The following RSPRY1 variants were observed in gnomAD, a reference collection of about 807,000 sequenced individuals.
The protein encoded by RSPRY1 is ring finger and SPRY domain containing 1.
RSPRY1 carries 23 observed loss-of-function variants against 73.1 expected under a neutral mutation model. The observed-to-expected ratio is 0.31, with a 90% CI of 0.23 to 0.45. The LOEUF (loss-of-function observed/expected upper bound fraction) is 0.45, where lower values mean the gene tolerates loss of function less well. Among genes scored for constraint, RSPRY1 ranks in the 20% least tolerant of loss-of-function variants. The probability of loss-of-function intolerance (pLI) is 1.00; values close to 1 mark genes in which losing one functional copy is unlikely to be tolerated. For synonymous variants in RSPRY1, 226 were observed against 251.4 expected, an observed-to-expected ratio of 0.90 and a Z score of 0.95; for missense variants, 448 against 698.7, an observed-to-expected ratio of 0.64 and a Z score of 4.05.
chr16:57,215,325 A>G (rs1391239609), intron 6 of RSPRY1, among the ~76,000 whole-genome samples: 1 of 152,160 alleles, frequency 6.6e-6, no homozygotes, highest in Admixed American at 6.5e-5. Context: ...AGGGATTTAG[A>G]TGGATATGAG....
At chr16:57,199,378 G>A (rs1376236255) in intron 1 of RSPRY1, among the ~76,000 whole-genome samples, 2 of 152,172 alleles carry the variant, frequency 1.3e-5, no homozygotes, top group African/African-American at 4.8e-5. Flanking sequence ...TGTAATCCCA[G>A]CTACTCAGGA....
intron 14 of RSPRY1, among the ~76,000 whole-genome samples, chr16:57,237,008 T>C (rs1268313151): frequency 6.6e-6 from 1 of 151,704 alleles, no homozygotes; most frequent in Non-Finnish European, 1.5e-5. Flanking sequence ...CTACTACAAA[T>C]ACAAAAAAAA....
intron 5 of RSPRY1, 129 bp from the exon 6 acceptor site, chr16:57,213,759 A>T: frequency 1.4e-6 from 1 of 726,548 alleles, no homozygotes; most frequent in Non-Finnish European, 2.4e-6. Context: ...ACTATTTTCT[A>T]CCTCAGAGCA....
rs766165814 is a variant in RSPRY1, at chr16:57,235,177, C to G, written c.1583C>G (p.Ser528Cys). Residue 528 changes from serine to cysteine, a missense_variant, in exon 14 of 15, where the codon TCC (serine) becomes TGC (cysteine). Physicochemically the swap from Ser to Cys is moderately radical, Grantham distance 112. Transcript: ENST00000394420. ...KQVSIRENCC[S>C]LCCDEVADTQ... Reference sequence around the variant, plus strand: ...GTCAGTATCCGAGAAAACTGCTGTTCCCTTTGTTGTGATGAGGTAGCAGAC... The same window carrying G: ...GTCAGTATCCGAGAAAACTGCTGTTGCCTTTGTTGTGATGAGGTAGCAGAC... The G allele has an allele frequency of 3.7e-6, 6 of 1,614,134 alleles. No homozygotes were observed. The highest frequency in any genetic ancestry group is 1.7e-5 in the Admixed American group (1 of 60,018).
chr16:57,189,665 C>T (rs538988994), intron 1 of RSPRY1, among the ~76,000 whole-genome samples: 119 of 144,256 alleles, frequency 8.2e-4, no homozygotes, highest in Non-Finnish European at 1.6e-3. Context: ...AATCACGGCT[C>T]ACAGAAGCCT....
chr16:57,204,848 G>A lies in RSPRY1; in HGVS notation c.190G>A (p.Glu64Lys). The change falls in exon 2 of 15, where the codon GAG becomes AAG. Residue 64 changes from glutamate (E) to lysine (K), a missense_variant. Transcript: ENST00000394420. The part of the protein sequence containing the change: ...DSVDTQQQQA[E>K]NSAVPTADTR... ...TGTTGACACCCAACAGCAACAGGCC[G>A]AGAACAGTGCAGTACCCACTGCTGA... The A allele has an allele frequency of 1.2e-6, 2 of 1,614,174 alleles. No individual in the cohort carries two copies. The highest frequency in any genetic ancestry group is 1.7e-6 in the Non-Finnish European group (2 of 1,180,030).
intron 4 of RSPRY1, among the ~76,000 whole-genome samples, chr16:57,211,255 C>T (rs2074837731): frequency 1.4e-5 from 2 of 144,438 alleles, no homozygotes; most frequent in African/African-American, 5.1e-5. Flanking sequence ...ATAGTGAGAC[C>T]TTGTCTCTGT....
Position 57,235,177 on chromosome 16 carries a change from C to T in RSPRY1, c.1583C>T (p.Ser528Phe). ...GTCAGTATCCGAGAAAACTGCTGTT[C>T]CCTTTGTTGTGATGAGGTAGCAGAC... is the stretch of plus-strand genomic sequence containing the variant. ...KQVSIRENCCSLCCDEVADTQ... is the reference protein window; with the variant it reads ...KQVSIRENCCFLCCDEVADTQ... Residue 528 changes from serine (S) to phenylalanine (F), a missense_variant, in exon 14 of 15, where the codon TCC becomes TTC. Ser to Phe is a radical substitution (Grantham distance 155). Coordinates refer to ENST00000394420, the MANE Select transcript of RSPRY1 (RefSeq NM_133368.3). 1 of 1,614,134 alleles carries T rather than the reference C, an allele frequency of 6.2e-7. No homozygotes were observed. The highest frequency in any genetic ancestry group is 8.5e-7 in the Non-Finnish European group (1 of 1,179,998).
At chr16:57,220,701 C>A in intron 8 of RSPRY1, 31 bp from the exon 9 acceptor site, 1 of 1,455,420 alleles carries the variant, frequency 6.9e-7, no homozygotes, top group Non-Finnish European at 9.6e-7. Context: ...AGCAGCCTGC[C>A]TTAGAAACAT....
At chr16:57,234,259 C>T (rs1274051190) in intron 13 of RSPRY1, among the ~76,000 whole-genome samples, 2 of 152,206 alleles carry the variant, frequency 1.3e-5, no homozygotes, top group African/African-American at 4.8e-5. Context: ...TACTTCCTCA[C>T]TCCCTTTACC....
At chr16:57,233,929 C>A (rs921322542) in intron 13 of RSPRY1, among the ~76,000 whole-genome samples, 1 of 152,182 alleles carries the variant, frequency 6.6e-6, no homozygotes, top group Non-Finnish European at 1.5e-5. Flanking sequence ...TCAGTCTATT[C>A]AACACAGCCT....
chr16:57,195,574 A>T (rs1156992750), intron 1 of RSPRY1, among the ~76,000 whole-genome samples: 1 of 152,158 alleles, frequency 6.6e-6, no homozygotes, highest in Non-Finnish European at 1.5e-5. Context: ...TGGTAAGAAG[A>T]GTCCTTCTAC....
intron 10 of RSPRY1, among the ~76,000 whole-genome samples, chr16:57,221,676 C>T (rs1199044420): frequency 6.6e-6 from 1 of 152,088 alleles, no homozygotes; most frequent in East Asian, 1.9e-4. Flanking sequence ...TGGATGTGTC[C>T]TTTGTCTTTG....
At chr16:57,207,470 A>G in intron 2 of RSPRY1, 4 of 364,702 alleles carry the variant, frequency 1.1e-5, no homozygotes, top group East Asian at 7.5e-5. Context: ...GGATCACACC[A>G]CTGAATTAAG....
chr16:57,204,708 A>G lies in RSPRY1; in HGVS notation c.50A>G (p.Gln17Arg), dbSNP rs1295867364. ...AVFLASRSLG[Q>R]GLLLTLEEHI... ...TTCTTAGCGAGCAGAAGCCTTGGCC[A>G]GGGTCTGTTGTTGACTCTCGAAGAG... The change falls in exon 2 of 15, where the codon CAG becomes CGG. Residue 17 changes from glutamine (Q) to arginine (R), a missense_variant. Transcript: ENST00000394420. 1 of 1,614,222 alleles carries G rather than the reference A, an allele frequency of 6.2e-7. No homozygotes were observed. Among genetic ancestry groups the G allele is most frequent in the East Asian group, 2.2e-5 (1 of 44,888 alleles).
chr16:57,234,509 G>A (rs2075272690), intron 13 of RSPRY1, among the ~76,000 whole-genome samples: 1 of 152,192 alleles, frequency 6.6e-6, no homozygotes, highest in African/African-American at 2.4e-5. Context: ...AATCTCTAGG[G>A]CTTGGAACAG....
At chr16:57,216,325 G>T (rs1175318343) in intron 7 of RSPRY1, 152 bp downstream of exon 7, 34 of 586,512 alleles carry the variant, frequency 5.8e-5, no homozygotes, top group Non-Finnish European at 9.0e-5. Flanking sequence ...AGCCAATGAA[G>T]TATAACAGGG....
At chr16:57,204,387 A>G (rs1470156355) in intron 1 of RSPRY1, 117 bp from the exon 2 acceptor site, 3 of 362,820 alleles carry the variant, frequency 8.3e-6, no homozygotes, top group Non-Finnish European at 1.5e-5. Flanking sequence ...CTATAAAAAT[A>G]ACCAAAGATA....
chr16:57,235,026 T>C (rs2075280095), intron 13 of RSPRY1, 98 bp from the exon 14 acceptor site: 2 of 768,968 alleles, frequency 2.6e-6, no homozygotes, highest in African/African-American at 3.4e-5. Flanking sequence ...AAGGAATATA[T>C]GTCACAGGTG....
Sources: gnomAD v4.1 joint callset for allele counts (sites outside exome capture counted in the v4.1 genomes callset) on GRCh38, gnomAD v4.1.1 for gene constraint, MANE v1.5 for transcripts, NCBI Gene and HGNC (gene_info 2026-07-23, HGNC 2026-07-21) for gene names.